CTCFL: variants seen among roughly 807,000 people sequenced by gnomAD.
CTCFL encodes transcriptional repressor CTCFL.
CTCFL carries 36 observed loss-of-function variants against 67.4 expected under a neutral mutation model. The ratio of observed to expected loss-of-function variants is 0.53; its 90% CI spans 0.41 to 0.71. The LOEUF is 0.71. Among genes scored for constraint, CTCFL ranks in the 30% least tolerant of loss-of-function variants. The pLI is 0.00. For synonymous variants in CTCFL, 324 were observed against 302.3 expected (o/e 1.07, Z -0.75); for missense variants, 786 against 835.2 (o/e 0.94, Z 0.73).
chr20:57,509,453 G>A (rs2068417288), intron 8 of CTCFL, among the ~76,000 whole-genome samples: 2 of 151,898 alleles, frequency 1.3e-5, no homozygotes, highest in African/African-American at 2.4e-5. Flanking sequence ...TGTAGAGACA[G>A]GGTCTCACTA....
At chr20:57,509,335 C>A (rs2068410072) in intron 8 of CTCFL, among the ~76,000 whole-genome samples, 1 of 145,074 alleles carries the variant, frequency 6.9e-6, no homozygotes, top group Non-Finnish European at 1.5e-5. Flanking sequence ...ACAATCATAG[C>A]TCACTGCAAT....
intron 3 of CTCFL, among the ~76,000 whole-genome samples, chr20:57,520,051 A>AACTTC (rs1435625812): frequency 6.6e-6 from 1 of 152,228 alleles, no homozygotes; most frequent in Non-Finnish European, 1.5e-5. Flanking sequence ...CTCTTGGATG[A>AACTTC]TGCTGGTCTA....
At chr20:57,512,895 G>C in intron 7 of CTCFL, 143 bp from the exon 8 acceptor site, 2 of 687,872 alleles carry the variant, frequency 2.9e-6, no homozygotes, top group Non-Finnish European at 4.8e-6. Context: ...GGGCTATCCT[G>C]TGCATTGTAG....
At chr20:57,508,558 T>G in intron 9 of CTCFL, 48 bp downstream of exon 9, 1 of 1,568,564 alleles carries the variant, frequency 6.4e-7, no homozygotes, top group Middle Eastern at 1.7e-4. Flanking sequence ...CCTCCTGAGA[T>G]AGAGGGATCT....
chr20:57,507,719 G>A (rs1214825916), intron 9 of CTCFL: 1 of 703,014 alleles, frequency 1.4e-6, no homozygotes, highest in African/African-American at 1.7e-5. Context: ...CGGACATCCT[G>A]ACTGCAGCCT....
intron 8 of CTCFL, among the ~76,000 whole-genome samples, chr20:57,509,284 ATTTT>A (rs370517858): frequency 2.2e-5 from 3 of 134,650 alleles, no homozygotes; most frequent in African/African-American, 5.5e-5. Context: ...CTTAATACCG[ATTTT>A]TTTTTTTTTT....
intron 6 of CTCFL, 118 bp from the exon 7 acceptor site, chr20:57,514,859 C>A: frequency 9.6e-7 from 1 of 1,036,340 alleles, no homozygotes; most frequent in Admixed American, 2.6e-5. Context: ...CCCTTCTCAC[C>A]GGACAACCCC....
intron 3 of CTCFL, among the ~76,000 whole-genome samples, chr20:57,520,514 A>G (rs1349947708): frequency 6.6e-6 from 1 of 152,220 alleles, no homozygotes; most frequent in African/African-American, 2.4e-5. Flanking sequence ...GCTTCCAGCA[A>G]CCAGGGGAAA....
chr20:57,520,086 T>C (rs2069241185), intron 3 of CTCFL, among the ~76,000 whole-genome samples: 1 of 152,150 alleles, frequency 6.6e-6, no homozygotes, highest in African/African-American at 2.4e-5. Flanking sequence ...GTGAAAACAT[T>C]TGCCCTAAGA....
intron 3 of CTCFL, among the ~76,000 whole-genome samples, chr20:57,521,599 C>T (rs2146448904): frequency 6.6e-6 from 1 of 152,246 alleles, no homozygotes; most frequent in South Asian, 2.1e-4. Context: ...AACAGGTGCT[C>T]AAACAAAAAA....
chr20:57,519,342 A>T lies in CTCFL; in HGVS notation c.790T>A (p.Phe264Ile). ...KGTFHCDVCM[F>I]TSSRMSSFNR... is the part of the protein sequence containing the mutation. ...AAACTTGACATTCTAGAAGAGGTGA[A>T]CATGCAGACATCACAGTGGAAGGTT... is the stretch of plus-strand genomic sequence containing the variant. The change falls in exon 4 of 11, where the codon TTC becomes ATC. Residue 264 changes from phenylalanine (F) to isoleucine (I), a missense_variant. Coordinates refer to ENST00000243914, the MANE Select transcript of CTCFL (RefSeq NM_001386993.1). 4.3e-6 allele frequency: 7 copies of T among 1,614,170 alleles called. No homozygotes were observed. Among genetic ancestry groups the T allele is most frequent in the Non-Finnish European group, 5.9e-6 (7 of 1,180,016 alleles).
intron 8 of CTCFL, among the ~76,000 whole-genome samples, chr20:57,511,692 A>G (rs570985826): frequency 1.7e-4 from 26 of 151,912 alleles, no homozygotes; most frequent in African/African-American, 6.0e-4. Context: ...CCCAGGTTCA[A>G]GCAATTCTCC....
intron 7 of CTCFL, 103 bp downstream of exon 7, chr20:57,514,489 C>G (rs569449252): frequency 2.5e-5 from 35 of 1,386,030 alleles, no homozygotes; most frequent in Non-Finnish European, 3.2e-5. Context: ...TTCCCGAAGA[C>G]CGGGCCTCCC....
At chr20:57,513,503 T>C (rs530603190) in intron 7 of CTCFL, 3 of 1,013,534 alleles carry the variant, frequency 3.0e-6, no homozygotes, top group South Asian at 3.9e-5. Context: ...TAAAGCATCT[T>C]ATAGGGCTAT....
chr20:57,499,090 G>A (rs1417271818), intron 10 of CTCFL, among the ~76,000 whole-genome samples: 3 of 130,726 alleles, frequency 2.3e-5, no homozygotes, highest in Admixed American at 1.5e-4. Context: ...GGGGTGGGGG[G>A]GGGACACAGT....
chr20:57,500,071 T>C (rs1187903593), intron 10 of CTCFL: 1 of 984,978 alleles, frequency 1.0e-6, no homozygotes, highest in African/African-American at 1.8e-5. Flanking sequence ...TTTTTGTCCA[T>C]GCTTCCTTGA....
chr20:57,520,265 C>T (rs925854619), intron 3 of CTCFL, among the ~76,000 whole-genome samples: 1 of 152,138 alleles, frequency 6.6e-6, no homozygotes, highest in African/African-American at 2.4e-5. Flanking sequence ...TCAAGGGATT[C>T]CCACAGATAA....
At position 57,523,291 on chromosome 20, in the gene CTCFL, A is replaced by C; in HGVS notation, c.544-13T>G. ...GCTCTTCCTCGAGCTAATAAACAACAAATATTCAAATATGATACTATTGAT... is the reference window on the plus strand; with the variant it reads ...GCTCTTCCTCGAGCTAATAAACAACCAATATTCAAATATGATACTATTGAT... On this transcript the variant is annotated splice_polypyrimidine_tract_variant and intron_variant, in intron 2 of 10. Coordinates refer to ENST00000243914, the MANE Select transcript of CTCFL (RefSeq NM_001386993.1). 1.3e-6 allele frequency: 2 copies of C among 1,599,788 alleles called. No homozygotes were observed. Among genetic ancestry groups the C allele is most frequent in the Non-Finnish European group, 1.7e-6 (2 of 1,168,926 alleles).
At chr20:57,506,921 T>C (rs1050344353) in intron 9 of CTCFL, 1 of 985,408 alleles carries the variant, frequency 1.0e-6, no homozygotes, top group Non-Finnish European at 1.2e-6. Context: ...ATTCCAGAAC[T>C]ATCCCACTGT....
Sources: gnomAD v4.1 joint callset for allele counts (sites outside exome capture counted in the v4.1 genomes callset) on GRCh38, gnomAD v4.1.1 for gene constraint, MANE v1.5 for transcripts, NCBI Gene and HGNC (gene_info 2026-07-23, HGNC 2026-07-21) for gene names.